The following GPR18 variants were observed in gnomAD, a reference collection of about 807,000 sequenced individuals.
The protein encoded by GPR18 is N-arachidonyl glycine receptor.
GPR18 carries 20 observed loss-of-function variants against 22.8 expected under a neutral mutation model. The observed-to-expected ratio is 0.88, with a 90% confidence interval of 0.62 to 1.28. The LOEUF (loss-of-function observed/expected upper bound fraction) is 1.28, where lower values mean the gene tolerates loss of function less well. Ranked by LOEUF, GPR18 falls within the 50% of genes most tolerant of loss-of-function variation. GPR18 has a pLI of 0.00. For synonymous variants in GPR18, 160 were observed against 155.3 expected (o/e 1.03, Z -0.22); for missense variants, 379 against 412.0 (o/e 0.92, Z 0.69).
rs1233293200 is a variant in GPR18 at position 99,254,984 on chromosome 13, C to T, written c.889G>A (p.Val297Ile). Reference protein sequence around the residue: ...YIVSKQFQARVISVMLYRNYL... With the variant: ...YIVSKQFQARIISVMLYRNYL... ...TTACGGTATAGCATGACACTAATGA[C>T]TCGAGCCTGAAATTGTTTTGAAACG... Residue 297 changes from valine to isoleucine, a missense_variant, in exon 2 of 2, where the codon GTC becomes ATC. Coordinates refer to ENST00000397470, the MANE Select transcript of GPR18 (RefSeq NM_001098200.2). The T allele has an allele frequency of 1.2e-6, 2 of 1,613,950 alleles. No individual in the cohort carries two copies. Among genetic ancestry groups the T allele is most frequent in the Non-Finnish European group, 1.7e-6 (2 of 1,180,022 alleles).
Position 99,255,383 on chromosome 13 carries a change from C to G in GPR18, c.490G>C (p.Asp164His). The G allele has an allele frequency of 6.2e-7, 1 of 1,614,042 alleles. No homozygotes were observed. The highest frequency in any genetic ancestry group is 8.5e-7 in the Non-Finnish European group (1 of 1,179,986). The stretch of plus-strand genomic sequence containing the variant: ...CAGGTGGCGGGAGTGGAGTCTTTAT[C>G]TGGGTCTTTATAGAGCAGTAGCAGA... ...TPLLLLYKDP[D>H]KDSTPATCLK... Residue 164 changes from aspartate (D) to histidine (H), a missense_variant, in exon 2 of 2, where the codon GAT (aspartate) becomes CAT (histidine). Transcript: ENST00000397470.
Position 99,255,239 on chromosome 13 carries a change from GA to G in GPR18, c.633del (p.His212IlefsTer11). 1 of 1,614,014 alleles carries G rather than the reference GA, an allele frequency of 6.2e-7. No individual in the cohort carries two copies. The highest frequency in any genetic ancestry group is 1.3e-5 in the African/African-American group (1 of 74,966). On this transcript the variant is annotated frameshift_variant, in exon 2 of 2. Coordinates refer to ENST00000397470, the MANE Select transcript of GPR18 (RefSeq NM_001098200.2). LOFTEE classifies it high-confidence loss of function. The stretch of plus-strand genomic sequence containing the variant: ...GACGTCCTGCCGTGAAGGAGATTAT[GA>G]ATAATGACCAAGTAGCACCCAATCA... ...FIMIGCYLVI[I>X]HNLLHGRTSK...
chr13:99,255,941 C>T (rs766408007), intron 1 of GPR18, 35 bp from the exon 2 acceptor site: 21 of 1,408,616 alleles, frequency 1.5e-5, no homozygotes, highest in East Asian at 9.6e-5. Flanking sequence ...AGAATAAAAT[C>T]GTTGGTTAAA....
chr13:99,255,485 T>C lies in GPR18; in HGVS notation c.388A>G (p.Lys130Glu), dbSNP rs1456666127. 1 of 1,614,114 alleles carries C rather than the reference T, an allele frequency of 6.2e-7. No homozygotes were observed. Among genetic ancestry groups the C allele is most frequent in the Non-Finnish European group, 8.5e-7 (1 of 1,180,028 alleles). ...GCTTTGCACGTGTTTTTAAGTTCTTTGGCGTACTTCGGCTGTACAATGGCC... is the reference window on the plus strand; with the variant it reads ...GCTTTGCACGTGTTTTTAAGTTCTTCGGCGTACTTCGGCTGTACAATGGCC... Reference protein sequence around the residue: ...YMAIVQPKYAKELKNTCKAVL... With the variant: ...YMAIVQPKYAEELKNTCKAVL... The change falls in exon 2 of 2, where the codon AAA becomes GAA. Residue 130 changes from lysine to glutamate, a missense_variant. Transcript: ENST00000397470.
rs781365371 is a variant in GPR18, at chr13:99,255,537, A to T, written c.336T>A (p.Leu112=). The change falls in exon 2 of 2, where the codon CTT becomes CTA. Residue 112 remains leucine, a synonymous_variant. Transcript: ENST00000397470. ...VFYPSIALWL[L]AFISADRYMA... The stretch of plus-strand genomic sequence containing the variant: ...TGTATCTGTCAGCACTAATAAAGGC[A>T]AGAAGCCATAAAGCAATGCTTGGGT... The T allele has an allele frequency of 6.2e-7, 1 of 1,614,224 alleles. No homozygotes were observed. Among genetic ancestry groups the T allele is most frequent in the Non-Finnish European group, 8.5e-7 (1 of 1,180,036 alleles).
intron 1 of GPR18, among the ~76,000 whole-genome samples, chr13:99,257,712 A>G (rs2043589913): frequency 6.6e-6 from 1 of 152,214 alleles, no homozygotes. Context: ...TTTTCTTAAA[A>G]ACCATTAAGT....
At chr13:99,258,004 A>T (rs925989730) in intron 1 of GPR18, 150 bp downstream of exon 1, 1 of 152,230 alleles carries the variant, frequency 6.6e-6, no homozygotes, top group Non-Finnish European at 1.5e-5. Context: ...GGCACAACTG[A>T]TCCTCCTGCC....
Position 99,255,526 on chromosome 13 carries a change from C to G in GPR18, c.347G>C (p.Ser116Thr). ...TACAATGGCCATGTATCTGTCAGCA[C>G]TAATAAAGGCAAGAAGCCATAAAGC... ...SIALWLLAFI[S>T]ADRYMAIVQP... is the part of the protein sequence containing the mutation. The change falls in exon 2 of 2, where the codon AGT becomes ACT. Residue 116 changes from serine (S) to threonine (T), a missense_variant. Coordinates refer to ENST00000397470, the MANE Select transcript of GPR18 (RefSeq NM_001098200.2). The G allele has an allele frequency of 6.2e-7, 1 of 1,614,064 alleles. No individual in the cohort carries two copies. The highest frequency in any genetic ancestry group is 1.1e-5 in the South Asian group (1 of 91,080).
Position 99,255,341 on chromosome 13 carries a change from T to G in GPR18, c.532A>C (p.Ile178Leu), listed in dbSNP as rs1331010590. Residue 178 changes from isoleucine to leucine, a missense_variant, in exon 2 of 2, where the codon ATC becomes CTC. Coordinates refer to ENST00000397470, the MANE Select transcript of GPR18 (RefSeq NM_001098200.2). ...ACGTTCACAGCTTTTAGATAGATGA[T>G]GTCAGAAATCTTGAGGCAGGTGGCG... ...TPATCLKISDIIYLKAVNVLN... is the reference protein window; with the variant it reads ...TPATCLKISDLIYLKAVNVLN... The G allele has an allele frequency of 1.2e-6, 2 of 1,614,184 alleles. No individual in the cohort carries two copies. The highest frequency in any genetic ancestry group is 2.2e-5 in the South Asian group (2 of 91,080).
Position 99,255,585 on chromosome 13 carries a change from A to C in GPR18, c.288T>G (p.Ile96Met). 6.2e-7 allele frequency: 1 copy of C among 1,614,230 alleles called. No individual in the cohort carries two copies. Among genetic ancestry groups the C allele is most frequent in the Non-Finnish European group, 8.5e-7 (1 of 1,180,024 alleles). Residue 96 changes from isoleucine (I) to methionine (M), a missense_variant, in exon 2 of 2, where the codon ATT becomes ATG. By Grantham distance (10) the Ile-to-Met change is conservative. Coordinates refer to ENST00000397470, the MANE Select transcript of GPR18 (RefSeq NM_001098200.2). ...GGTAAAACACTGTGAGAGCTCCAAG[A>C]ATCTGGCAGAAGTACTCTCCAAATG... ...EWPFGEYFCQILGALTVFYPS... is the reference protein window; with the variant it reads ...EWPFGEYFCQMLGALTVFYPS...
intron 1 of GPR18, chr13:99,256,493 A>G (rs1195463445): frequency 6.6e-6 from 1 of 152,144 alleles, no homozygotes; most frequent in Non-Finnish European, 1.5e-5. Context: ...CAGCTGCTCT[A>G]CTTCAGTGGT....
intron 1 of GPR18, among the ~76,000 whole-genome samples, chr13:99,257,812 GA>G (rs958544612): frequency 4.6e-4 from 70 of 151,892 alleles, no homozygotes; most frequent in African/African-American, 1.5e-3. Flanking sequence ...TCCTTAAGTT[GA>G]AAAAAATTAC....
intron 1 of GPR18, 60 bp from the exon 2 acceptor site, chr13:99,255,966 C>T: frequency 1.7e-6 from 2 of 1,206,284 alleles, no homozygotes; most frequent in Non-Finnish European, 2.3e-6. Flanking sequence ...AAATGCTTAA[C>T]ATTCTCCCAC....
Position 99,255,053 on chromosome 13 carries a change from G to A in GPR18, c.820C>T (p.Leu274Phe). ...TCCAGACACGTGCTGAGGTTCATGAGGAAGGTGGTAAAGGCTCCCCAGGGA... is the reference window on the plus strand; with the variant it reads ...TCCAGACACGTGCTGAGGTTCATGAAGAAGGTGGTAAAGGCTCCCCAGGGA... ...YNPWGAFTTF[L>F]MNLSTCLDVI... Residue 274 changes from leucine to phenylalanine, a missense_variant, in exon 2 of 2, where the codon CTC becomes TTC. Transcript: ENST00000397470. The A allele has an allele frequency of 1.2e-6, 2 of 1,614,124 alleles. No homozygotes were observed. The highest frequency in any genetic ancestry group is 1.7e-6 in the Non-Finnish European group (2 of 1,180,020).
chr13:99,254,862 A>G lies in GPR18; in HGVS notation c.*15T>C. The G allele has an allele frequency of 1.3e-6, 2 of 1,589,708 alleles. No individual in the cohort carries two copies. The highest frequency in any genetic ancestry group is 1.7e-5 in the Admixed American group (1 of 57,980). ...AGTGAATTTTGATGGGATTGAAATG[A>G]AAGAACCTTATTATTCATAACATTT... is the stretch of plus-strand genomic sequence containing the variant. On this transcript the variant is annotated 3_prime_UTR_variant, in exon 2 of 2. Transcript: ENST00000397470.
Position 99,255,522 on chromosome 13 carries a change from A to G in GPR18, c.351T>C (p.Ala117=), listed in dbSNP as rs2043535837. 6.2e-7 allele frequency: 1 copy of G among 1,614,198 alleles called. No homozygotes were observed. Among genetic ancestry groups the G allele is most frequent in the East Asian group, 2.2e-5 (1 of 44,880 alleles). ...GCTGTACAATGGCCATGTATCTGTC[A>G]GCACTAATAAAGGCAAGAAGCCATA... ...IALWLLAFIS[A]DRYMAIVQPK... is the part of the protein sequence containing the mutation. The change falls in exon 2 of 2, where the codon GCT becomes GCC. Residue 117 remains alanine, a synonymous_variant. Coordinates refer to ENST00000397470, the MANE Select transcript of GPR18 (RefSeq NM_001098200.2).
At chr13:99,256,778 C>T (rs775955752) in intron 1 of GPR18, among the ~76,000 whole-genome samples, 3 of 151,622 alleles carry the variant, frequency 2.0e-5, no homozygotes, top group Non-Finnish European at 4.4e-5. Context: ...TCATTGACTC[C>T]TCAGTGTGAA....
Position 99,255,907 on chromosome 13 carries a change from C to A in GPR18, c.-34-1G>T, listed in dbSNP as rs763857769. On this transcript the variant is annotated splice_acceptor_variant, in intron 1 of 1. Transcript: ENST00000397470. LOFTEE classifies it low-confidence loss of function (5UTR_SPLICE). ...TGTTGGTAGGCATGATACTTAGAAA[C>A]TGTAAAAATAGTTAAGAAAAATAAG... 4.4e-5 allele frequency: 65 copies of A among 1,491,532 alleles called. No homozygotes were observed. The highest frequency in any genetic ancestry group is 5.7e-5 in the Non-Finnish European group (64 of 1,119,396). 92.4% of individuals were successfully genotyped at this position (1,491,532 alleles called of 1,614,324 possible).
intron 1 of GPR18, among the ~76,000 whole-genome samples, chr13:99,256,802 A>G (rs895903544): frequency 3.3e-5 from 5 of 151,946 alleles, no homozygotes; most frequent in African/African-American, 7.3e-5. Flanking sequence ...TCATTCCCCC[A>G]TGATGCAACA....
Sources: gnomAD v4.1 joint callset for allele counts (sites outside exome capture counted in the v4.1 genomes callset) on GRCh38, gnomAD v4.1.1 for gene constraint, MANE v1.5 for transcripts, NCBI Gene and HGNC (gene_info 2026-07-23, HGNC 2026-07-21) for gene names.